Variants in ARHGAP35 observed in about 807,000 individuals in gnomAD.
The protein encoded by ARHGAP35 is rho GTPase-activating protein 35.
A neutral mutation model predicts 111.1 loss-of-function variants in ARHGAP35; 15 were observed. That is an observed-to-expected ratio of 0.13 (90% CI 0.09 to 0.21). The LOEUF is 0.21. ARHGAP35 is among the 10% of genes least tolerant of loss of function. ARHGAP35 has a pLI of 1.00. For synonymous variants in ARHGAP35, 643 were observed against 710.3 expected (o/e 0.91, Z 1.51); for missense variants, 1,262 against 1,873.0 (o/e 0.67, Z 6.02).
chr19:46,875,287 C>G (rs2055912300), intron 1 of ARHGAP35, among the ~76,000 whole-genome samples: 1 of 152,148 alleles, frequency 6.6e-6, no homozygotes, highest in East Asian at 1.9e-4. Context: ...GTTCAGACAT[C>G]AGGAAGAAAT....
At chr19:46,973,519 C>T (rs1247971858) in intron 3 of ARHGAP35, among the ~76,000 whole-genome samples, 1 of 151,686 alleles carries the variant, frequency 6.6e-6, no homozygotes, top group Non-Finnish European at 1.5e-5. Flanking sequence ...GAAACCCCCT[C>T]TCTACTAAAA....
At chr19:46,934,776 C>T (rs1048175667) in intron 2 of ARHGAP35, among the ~76,000 whole-genome samples, 1 of 152,080 alleles carries the variant, frequency 6.6e-6, no homozygotes, top group East Asian at 1.9e-4. Context: ...CTCAGGCGAT[C>T]CTCCCACCTC....
chr19:46,960,893 CTTTTTTTT>C (rs1304320167), intron 3 of ARHGAP35, among the ~76,000 whole-genome samples: 1 of 132,492 alleles, frequency 7.5e-6, no homozygotes, highest in South Asian at 2.4e-4. Context: ...ATTTCTTTGG[CTTTTTTTT>C]TTTTTTTTCA....
In ARHGAP35 at chr19:46,923,627, A is replaced by G. The variant is rs188646832; in HGVS notation, c.3681+1271A>G. Among the ~76,000 whole-genome samples, 254 of 150,682 alleles carry G rather than the reference A, an allele frequency of 1.7e-3. 1 individual carries two copies. Among genetic ancestry groups the G allele is most frequent in the African/African-American group, 5.9e-3 (241 of 40,992 alleles). On this transcript the variant is annotated intron_variant, in intron 2 of 6. Coordinates refer to ENST00000672722, the MANE Select transcript of ARHGAP35 (RefSeq NM_004491.5). ...AAGGCTGATTTAGAAATACTGAAAT[A>G]CTCTTTACAGGCCAGGCGCCGTGGC...
chr19:46,977,310 G>T (rs1298272475), intron 3 of ARHGAP35, among the ~76,000 whole-genome samples: 3 of 152,232 alleles, frequency 2.0e-5, no homozygotes, highest in African/African-American at 7.2e-5. Context: ...GGGAAGAAGG[G>T]GAGGGAGAAG....
chr19:46,928,856 C>G (rs948857433), intron 2 of ARHGAP35, among the ~76,000 whole-genome samples: 1 of 151,686 alleles, frequency 6.6e-6, no homozygotes, highest in Non-Finnish European at 1.5e-5. Context: ...CTCTTGAACC[C>G]GGGAGGCAGA....
chr19:46,962,383 C>T (rs981176525), intron 3 of ARHGAP35, among the ~76,000 whole-genome samples: 1 of 152,172 alleles, frequency 6.6e-6, no homozygotes, highest in Non-Finnish European at 1.5e-5. Flanking sequence ...CTTGGAAAGG[C>T]CGTGAATGTG....
In ARHGAP35 at chr19:46,864,255, G is replaced by T. The variant is rs758753768; in HGVS notation, c.-189+3046G>T. Among the ~76,000 whole-genome samples, 5 of 150,934 alleles carry T rather than the reference G, an allele frequency of 3.3e-5. No homozygotes were observed. The South Asian group carries it at 8.3e-4, about 25-fold the overall frequency. ...TTTTCTTTAATGACTCTATGGTTGT[G>T]GGGGGGTATTTAGTTCATTCAGGGG... is the stretch of plus-strand genomic sequence containing the variant. On this transcript the variant is annotated intron_variant, in intron 1 of 6. Transcript: ENST00000672722.
chr19:46,950,734 G>T (rs572400155), intron 3 of ARHGAP35, among the ~76,000 whole-genome samples: 1 of 152,126 alleles, frequency 6.6e-6, no homozygotes, highest in African/African-American at 2.4e-5. Context: ...CCATTACCTC[G>T]CTGTGGCTCT....
At chr19:46,932,646 G>A (rs1364018132) in intron 2 of ARHGAP35, among the ~76,000 whole-genome samples, 1 of 152,172 alleles carries the variant, frequency 6.6e-6, no homozygotes, top group Non-Finnish European at 1.5e-5. Flanking sequence ...TTCTTACTAG[G>A]AAGGTTTAGA....
At chr19:46,903,126 A>G (rs905801815) in intron 1 of ARHGAP35, among the ~76,000 whole-genome samples, 4 of 152,116 alleles carry the variant, frequency 2.6e-5, no homozygotes, top group Non-Finnish European at 5.9e-5. Context: ...GAAATCACAG[A>G]TGGATTCAGG....
intron 3 of ARHGAP35, among the ~76,000 whole-genome samples, chr19:46,965,065 C>T (rs1011311668): frequency 2.6e-5 from 4 of 152,202 alleles, no homozygotes; most frequent in Admixed American, 1.3e-4. Context: ...GTAATCCCAG[C>T]GCTTTGGGAG....
intron 1 of ARHGAP35, among the ~76,000 whole-genome samples, chr19:46,877,590 A>T (rs2055932388): frequency 6.6e-6 from 1 of 152,216 alleles, no homozygotes; most frequent in South Asian, 2.1e-4. Context: ...AATAAAAATT[A>T]AAAAATAAAA....
intron 2 of ARHGAP35, among the ~76,000 whole-genome samples, chr19:46,930,008 C>A (rs1487034128): frequency 6.6e-6 from 1 of 152,074 alleles, no homozygotes; most frequent in African/African-American, 2.4e-5. Flanking sequence ...AGCAGTCCTC[C>A]CATCTGGGCT....
In ARHGAP35 at chr19:46,871,927, C is replaced by T. The variant is rs540344379; in HGVS notation, c.-189+10718C>T. Among the ~76,000 whole-genome samples, 67 of 152,016 alleles carry T rather than the reference C, an allele frequency of 4.4e-4. No homozygotes were observed. The South Asian group carries it at 0.011, about 26-fold the overall frequency. The stretch of plus-strand genomic sequence containing the variant: ...CCCAGAAGACAGAGGTTGCAGTGAG[C>T]GGAGATTATGCCACTGCACTCCAGC... On this transcript the variant is annotated intron_variant, in intron 1 of 6. Coordinates refer to ENST00000672722, the MANE Select transcript of ARHGAP35 (RefSeq NM_004491.5).
chr19:46,987,784 T>C (rs959020198), intron 3 of ARHGAP35, among the ~76,000 whole-genome samples: 5 of 152,218 alleles, frequency 3.3e-5, no homozygotes, highest in African/African-American at 1.2e-4. Flanking sequence ...ACAAATACTT[T>C]AAAATTTTTA....
At position 46,920,848 on chromosome 19, in the gene ARHGAP35, G is replaced by A; in HGVS notation, c.2173G>A (p.Ala725Thr). 6.2e-7 allele frequency: 1 copy of A among 1,613,628 alleles called. No homozygotes were observed. Among genetic ancestry groups the A allele is most frequent in the East Asian group, 2.2e-5 (1 of 44,882 alleles). Residue 725 changes from alanine to threonine, a missense_variant, in exon 2 of 7, where the codon GCT (alanine) becomes ACT (threonine). This residue lies in a region of ARHGAP35 where 579 missense variants were observed against 716.9 expected (regional missense o/e 0.81). Transcript: ENST00000672722. This position sits in a 1 kb window ranked among gnomAD's most constrained non-coding sequence, Gnocchi z 7.0. ...CTTAATACAGCAAGGTCAACAAATT[G>A]CTAGCAAACTTCAGTGTGTCTTTCT... ...HSLIQQGQQI[A>T]SKLQCVFLDP...
intron 1 of ARHGAP35, among the ~76,000 whole-genome samples, chr19:46,905,520 C>T (rs1227862865): frequency 2.6e-5 from 4 of 151,352 alleles, no homozygotes; most frequent in Admixed American, 1.3e-4. Context: ...GGACTACAGG[C>T]GCCTGCCACC....
intron 1 of ARHGAP35, among the ~76,000 whole-genome samples, chr19:46,864,798 A>G (rs2055846630): frequency 6.6e-6 from 1 of 152,172 alleles, no homozygotes; most frequent in Admixed American, 6.5e-5. Context: ...TGTCATGATT[A>G]ATTTTCTGAA....
Sources: gnomAD v4.1 joint callset for allele counts (sites outside exome capture counted in the v4.1 genomes callset) on GRCh38, gnomAD v4.1.1 for gene constraint, gnomAD v4.1.1 regional missense constraint, Gnocchi (gnomAD v3.1) non-coding constraint, MANE v1.5 for transcripts, NCBI Gene and HGNC (gene_info 2026-07-23, HGNC 2026-07-21) for gene names.